GABRA3: variants seen among roughly 807,000 people sequenced by gnomAD.
The protein encoded by GABRA3 is gamma-aminobutyric acid receptor subunit alpha-3.
Under a neutral mutation model 30.1 loss-of-function variants are expected in GABRA3, and 10 were observed. The observed-to-expected ratio is 0.33, with a 90% confidence interval of 0.20 to 0.56. GABRA3 has a LOEUF of 0.56. Ranked by LOEUF, GABRA3 falls within the 20% of genes least tolerant of loss-of-function variation. The pLI is 0.89. For synonymous variants in GABRA3, 151 were observed against 146.8 expected, an observed-to-expected ratio of 1.03 and a Z score of -0.21; for missense variants, 233 against 392.0, an observed-to-expected ratio of 0.59 and a Z score of 3.42.
Position 152,264,685 on chromosome X carries a change from T to TA in GABRA3, c.331-8688dup, listed in dbSNP as rs564421042. ...AATGTATATTGACTAAATGCTATAA[T>TA]AAAAAAAATACAGTGGGTGAATGGA... On this transcript the variant is annotated intron_variant, in intron 4 of 9. Transcript: ENST00000370314. Among the ~76,000 whole-genome samples, 68 of 110,092 alleles carry TA rather than the reference T, an allele frequency of 6.2e-4. No homozygotes were observed. In the South Asian group the frequency reaches 0.024, roughly 40 times the overall value.
At chrX:152,218,654 A>G (rs1016972907) in intron 6 of GABRA3, among the ~76,000 whole-genome samples, 7 of 110,843 alleles carry the variant, frequency 6.3e-5, no homozygotes, top group Non-Finnish European at 1.1e-4. Context: ...TTAAGTGTGT[A>G]TTTCTTTATA....
chrX:152,347,252 T>C (rs1199879798), intron 2 of GABRA3, among the ~76,000 whole-genome samples: 1 of 111,361 alleles, frequency 9.0e-6, no homozygotes, highest in Admixed American at 9.6e-5. Flanking sequence ...AAGACAAAAA[T>C]TGCATGCTGT....
chrX:152,303,733 T>C (rs1049901286), intron 3 of GABRA3, among the ~76,000 whole-genome samples: 6 of 110,230 alleles, frequency 5.4e-5, no homozygotes, highest in Non-Finnish European at 1.1e-4. Context: ...ACACCACATG[T>C]TCTCACTCAT....
At chrX:152,389,684 T>C (rs1929423938) in intron 1 of GABRA3, among the ~76,000 whole-genome samples, 1 of 111,440 alleles carries the variant, frequency 9.0e-6, no homozygotes, top group Non-Finnish European at 1.9e-5. Flanking sequence ...CAATGTACCC[T>C]AAGACAACTG....
intron 6 of GABRA3, among the ~76,000 whole-genome samples, chrX:152,219,544 A>G (rs779978375): frequency 6.2e-4 from 69 of 111,597 alleles, no homozygotes; most frequent in Non-Finnish European, 1.1e-3. Flanking sequence ...AGACTTTACT[A>G]ATTTGAAGGA....
intron 9 of GABRA3, among the ~76,000 whole-genome samples, chrX:152,168,920 A>G (rs1936969835): frequency 8.9e-6 from 1 of 112,143 alleles, no homozygotes; most frequent in Admixed American, 9.4e-5. Flanking sequence ...AAACTGTGGA[A>G]TGTTGGTCAC....
chrX:152,440,977 C>T (rs1035438093), intron 1 of GABRA3, among the ~76,000 whole-genome samples: 1 of 102,976 alleles, frequency 9.7e-6, no homozygotes, highest in Non-Finnish European at 2.0e-5. Context: ...CAAAACTGCA[C>T]GTTCTGCACA....
At chrX:152,240,844 A>G (rs1294311577) in intron 5 of GABRA3, among the ~76,000 whole-genome samples, 1 of 93,446 alleles carries the variant, frequency 1.1e-5, no homozygotes, top group Non-Finnish European at 2.0e-5. Context: ...TTTCAGCTCC[A>G]TCAGCTCCTT....
chrX:152,190,027 G>C, intron 8 of GABRA3, 86 bp from the exon 9 acceptor site: 2 of 698,324 alleles, frequency 2.9e-6, no homozygotes, highest in Non-Finnish European at 4.3e-6. Flanking sequence ...TATTTGAAAG[G>C]AGAAGCTTTA....
intron 8 of GABRA3, among the ~76,000 whole-genome samples, chrX:152,196,352 C>T (rs1341178982): frequency 2.1e-4 from 21 of 98,055 alleles, no homozygotes; most frequent in Non-Finnish European, 4.0e-4. Flanking sequence ...GAGCCGAGAA[C>T]GCTCTATTGA....
At chrX:152,292,239 T>C (rs1021066442) in intron 3 of GABRA3, among the ~76,000 whole-genome samples, 2 of 111,846 alleles carry the variant, frequency 1.8e-5, no homozygotes, top group Non-Finnish European at 3.8e-5. Context: ...CCTGGTTTAG[T>C]CTTGGGAGGG....
intron 5 of GABRA3, among the ~76,000 whole-genome samples, chrX:152,254,426 T>C (rs1480123138): frequency 1.8e-5 from 2 of 110,891 alleles, no homozygotes; most frequent in Non-Finnish European, 3.8e-5. Context: ...CTCTTTCTTT[T>C]CACCATTCTC....
At chrX:152,342,575 T>C (rs1940331128) in intron 3 of GABRA3, among the ~76,000 whole-genome samples, 2 of 111,545 alleles carry the variant, frequency 1.8e-5, no homozygotes. Context: ...CTTGCATGCT[T>C]GGTAATTTTT....
intron 1 of GABRA3, among the ~76,000 whole-genome samples, chrX:152,425,346 T>C (rs1930492067): frequency 9.0e-6 from 1 of 110,745 alleles, no homozygotes; most frequent in South Asian, 3.9e-4. Flanking sequence ...CTAGAATCCA[T>C]ATGTACGTTT....
intron 1 of GABRA3, among the ~76,000 whole-genome samples, chrX:152,436,350 A>G (rs764369900): frequency 8.9e-6 from 1 of 112,150 alleles, no homozygotes; most frequent in Non-Finnish European, 1.9e-5. Flanking sequence ...TTTGGGGCAG[A>G]GCAATACTTT....
At chrX:152,325,634 C>T (rs966278915) in intron 3 of GABRA3, among the ~76,000 whole-genome samples, 1 of 112,009 alleles carries the variant, frequency 8.9e-6, no homozygotes, top group African/African-American at 3.2e-5. Context: ...AGCTGAGGGT[C>T]CTAACGGTTA....
intron 1 of GABRA3, among the ~76,000 whole-genome samples, chrX:152,430,711 C>T (rs1400325629): frequency 8.9e-6 from 1 of 111,836 alleles, no homozygotes; most frequent in East Asian, 2.8e-4. Flanking sequence ...ATTTTTAAAT[C>T]ATTACAGTGT....
intron 7 of GABRA3, among the ~76,000 whole-genome samples, chrX:152,205,197 C>G (rs768607145): frequency 1.7e-4 from 19 of 111,611 alleles, no homozygotes; most frequent in Non-Finnish European, 2.6e-4. Flanking sequence ...TTTCAGGGGA[C>G]ACAATTCAAC....
At chrX:152,193,095 T>C (rs1937343906) in intron 8 of GABRA3, among the ~76,000 whole-genome samples, 1 of 111,529 alleles carries the variant, frequency 9.0e-6, no homozygotes, top group Admixed American at 9.6e-5. Context: ...CCTGAGCTCT[T>C]TTGAGACATC....
Sources: gnomAD v4.1 joint callset for allele counts (sites outside exome capture counted in the v4.1 genomes callset) on GRCh38, gnomAD v4.1.1 for gene constraint, MANE v1.5 for transcripts, NCBI Gene and HGNC (gene_info 2026-07-23, HGNC 2026-07-21) for gene names.